The following ZNF550 variants were observed in gnomAD, a reference collection of about 807,000 sequenced individuals.
The protein encoded by ZNF550 is zinc finger protein 550.
ZNF550 carries 42 observed loss-of-function variants against 40.2 expected under a neutral mutation model. The observed-to-expected ratio is 1.05, with a 90% CI of 0.82 to 1.35. The LOEUF is 1.35. ZNF550 is among the 40% of genes most tolerant of loss of function. The probability of loss-of-function intolerance (pLI) is 0.00; values close to 1 mark genes in which losing one functional copy is unlikely to be tolerated. For synonymous variants in ZNF550, 223 were observed against 198.6 expected, an observed-to-expected ratio of 1.12 and a Z score of -1.03; for missense variants, 549 against 525.2, an observed-to-expected ratio of 1.05 and a Z score of -0.44.
At chr19:57,551,121 C>T (rs561513162) in intron 3 of ZNF550, among the ~76,000 whole-genome samples, 1 of 152,088 alleles carries the variant, frequency 6.6e-6, no homozygotes. Context: ...ATGATGCAGG[C>T]ACTGGCAAAG....
chr19:57,547,776 G>T, exon 4 of ZNF550: 1 of 1,613,988 alleles, frequency 6.2e-7, no homozygotes, highest in Non-Finnish European at 8.5e-7. Context: ...CACCTTCAAG[G>T]CTCACTTTCC....
At chr19:57,545,504 C>T (rs1213833170) in intron 4 of ZNF550, among the ~76,000 whole-genome samples, 1 of 152,204 alleles carries the variant, frequency 6.6e-6, no homozygotes, top group Non-Finnish European at 1.5e-5. Flanking sequence ...CAAGCAAGTA[C>T]AAAGTGATCA....
At chr19:57,557,740 G>GGCCGTGGTAAA (rs2090135408) in intron 1 of ZNF550, among the ~76,000 whole-genome samples, 1 of 152,184 alleles carries the variant, frequency 6.6e-6, no homozygotes, top group African/African-American at 2.4e-5. Flanking sequence ...GCCAGGCTAA[G>GGCCGTGGTAAA]GCTTCCTTAG....
chr19:57,558,548 T>C (rs568039393), intron 1 of ZNF550, among the ~76,000 whole-genome samples: 29 of 152,258 alleles, frequency 1.9e-4, no homozygotes, highest in African/African-American at 6.5e-4. Context: ...ATTCCAGGGT[T>C]GGAAAAAGAT....
chr19:57,543,748 C>G, intron 4 of ZNF550: 1 of 484,050 alleles, frequency 2.1e-6, no homozygotes, highest in Non-Finnish European at 2.7e-6. Flanking sequence ...CCAGCCTGGC[C>G]AACATGGTGA....
exon 3 of ZNF550, chr19:57,552,665 C>G (rs778816053): frequency 4.6e-5 from 74 of 1,598,222 alleles, no homozygotes; most frequent in Non-Finnish European, 6.1e-5. Flanking sequence ...CTTCACTATC[C>G]ACAGCTCCTG....
intron 4 of ZNF550, chr19:57,544,540 A>T: frequency 1.0e-6 from 1 of 985,426 alleles, no homozygotes; most frequent in Non-Finnish European, 1.2e-6. Flanking sequence ...GGTCCTCAAG[A>T]GTCAACTCTC....
exon 4 of ZNF550, chr19:57,546,922 A>G: frequency 6.5e-7 from 1 of 1,541,750 alleles, no homozygotes; most frequent in Admixed American, 1.9e-5. Context: ...TATGAATGAT[A>G]AAATAACAGT....
chr19:57,554,772 T>G lies in ZNF550; in HGVS notation c.154+1459A>C, dbSNP rs145091833. 38 of 152,310 alleles carry G rather than the reference T, an allele frequency of 2.5e-4. No homozygotes were observed. The highest frequency in any genetic ancestry group is 8.7e-4 in the African/African-American group (36 of 41,552). The allele number at this position is 152,310 out of a possible 1,614,324, so 9.4% of individuals were successfully genotyped here. On this transcript the variant is annotated intron_variant, in intron 2 of 4. Coordinates refer to ENST00000457177, the Ensembl canonical transcript of ZNF550. The surrounding 1 kb of genome is among the most constrained non-coding windows in gnomAD (Gnocchi z 4.5). ...GCTGTGGGAAAGGTGAATCAGATGA[T>G]CCTTTGGCTCTCCCAAGAGCTGAGC...
At chr19:57,543,144 C>T (rs949740949) in exon 5 of ZNF550, 1 of 670,972 alleles carries the variant, frequency 1.5e-6, no homozygotes, top group Non-Finnish European at 1.8e-6. Context: ...CTGGTGCTTT[C>T]CTTCTTGCTT....
exon 5 of ZNF550, chr19:57,542,378 C>T (rs1366689323): frequency 6.7e-6 from 1 of 150,212 alleles, no homozygotes; most frequent in Non-Finnish European, 1.5e-5. Context: ...TTATTTAGAA[C>T]ATAATACTGA....
At chr19:57,555,345 T>A (rs1018510093) in intron 2 of ZNF550, 4 of 152,174 alleles carry the variant, frequency 2.6e-5, no homozygotes, top group Non-Finnish European at 4.4e-5. Context: ...TCTGAGACTT[T>A]TCTTTTTTTT....
At chr19:57,548,170 C>A (rs1215754694) in intron 3 of ZNF550, among the ~76,000 whole-genome samples, 177 bp from the exon 4 acceptor site, 2 of 152,148 alleles carry the variant, frequency 1.3e-5, no homozygotes, top group Non-Finnish European at 2.9e-5. Flanking sequence ...TCCTTGACAC[C>A]ATTAAAGGGA....
Position 57,547,631 on chromosome 19 carries a change from AT to A in ZNF550, c.612del (p.Lys204AsnfsTer25), listed in dbSNP as rs1446818445. ...TTAAAACCTTTCCCACACTGCTTGC[AT>A]TTGTAGGGGTTTGTCCCTGCATGAA... On this transcript the variant is annotated frameshift_variant, in exon 4 of 5. Transcript: ENST00000457177. LOFTEE classifies it high-confidence loss of function. 6.2e-7 allele frequency: 1 copy of A among 1,614,108 alleles called. No homozygotes were observed. Among genetic ancestry groups the A allele is most frequent in the Non-Finnish European group, 8.5e-7 (1 of 1,180,034 alleles).
In ZNF550 at chr19:57,556,228, T is replaced by G. The variant is rs1252514693; in HGVS notation, c.154+3A>C. 4 of 1,613,850 alleles carry G rather than the reference T, an allele frequency of 2.5e-6. No individual in the cohort carries two copies. Among genetic ancestry groups the G allele is most frequent in the Non-Finnish European group, 3.4e-6 (4 of 1,179,930 alleles). On this transcript the variant is annotated splice_donor_region_variant and intron_variant, in intron 2 of 4. Coordinates refer to ENST00000457177, the Ensembl canonical transcript of ZNF550. ...TCCTCAGGGATGAGAGGTGAGTCAT[T>G]ACCTAGTGAAACCAGAAGCCCACAG...
chr19:57,544,799 A>G (rs1253643613), intron 4 of ZNF550, among the ~76,000 whole-genome samples: 1 of 152,198 alleles, frequency 6.6e-6, no homozygotes, highest in African/African-American at 2.4e-5. Context: ...TTGAAAACTA[A>G]AAGAAAATCT....
rs997505422 is a variant in ZNF550, at chr19:57,554,119, A to C, written c.155-1397T>G. ...CTTGAGCCTAGGAAGCAGAGGCTGC[A>C]GTGAGCTGAGATCATGGCACTGCAC... On this transcript the variant is annotated intron_variant, in intron 2 of 4. Transcript: ENST00000457177. This position sits in a 1 kb window ranked among gnomAD's most constrained non-coding sequence, Gnocchi z 4.5. 3 of 152,292 alleles carry C rather than the reference A, an allele frequency of 2.0e-5. No homozygotes were observed. Among genetic ancestry groups the C allele is most frequent in the African/African-American group, 7.2e-5 (3 of 41,450 alleles). 9.4% of individuals were successfully genotyped at this position (152,292 alleles called of 1,614,324 possible). A position where few individuals can be genotyped will look rare whatever the true frequency, so the allele number is the denominator to read the frequency against.
At chr19:57,543,577 G>A (rs2089980384) in intron 4 of ZNF550, 1 of 979,716 alleles carries the variant, frequency 1.0e-6, no homozygotes, top group Non-Finnish European at 1.2e-6. Context: ...CAGCATAAGA[G>A]CATAGTGCTT....
At chr19:57,556,874 T>C (rs1035239275) in intron 1 of ZNF550, 4 of 161,116 alleles carry the variant, frequency 2.5e-5, no homozygotes, top group Middle Eastern at 3.1e-3. Flanking sequence ...TGTGCTGTAT[T>C]GACTCAAGGT....
Sources: allele counts gnomAD v4.1 joint callset (sites outside exome capture counted in the v4.1 genomes callset), GRCh38; gene constraint gnomAD v4.1.1; non-coding constraint Gnocchi (gnomAD v3.1); transcripts MANE v1.5; gene names NCBI Gene and HGNC (gene_info 2026-07-23, HGNC 2026-07-21).